The following CAPZB variants were observed in gnomAD, a reference collection of about 807,000 sequenced individuals.
CAPZB encodes F-actin-capping protein subunit beta.
CAPZB carries 2 observed loss-of-function variants against 38.1 expected under a neutral mutation model. The ratio of observed to expected loss-of-function variants is 0.05; its 90% CI spans 0.02 to 0.17. CAPZB has a LOEUF of 0.17. CAPZB is among the 10% of genes least tolerant of loss of function. The pLI is 1.00. For missense variants in CAPZB, 161 were observed against 334.2 expected (o/e 0.48, Z 4.04); for synonymous variants, 107 against 127.4 (o/e 0.84, Z 1.08).
At chr1:19,341,647 C>A (rs761645382) in intron 8 of CAPZB, among the ~76,000 whole-genome samples, 3 of 152,184 alleles carry the variant, frequency 2.0e-5, no homozygotes, top group African/African-American at 7.2e-5. Context: ...GGTTTCTACG[C>A]CAGGACGCCC....
chr1:19,471,567 CGAGAA>C (rs556981528), intron 1 of CAPZB, among the ~76,000 whole-genome samples: 1 of 151,418 alleles, frequency 6.6e-6, no homozygotes, highest in East Asian at 1.9e-4. Context: ...TCTGTTACGT[CGAGAA>C]ATGCTTCCTC....
At chr1:19,340,484 G>T (rs2268811) in intron 8 of CAPZB, among the ~76,000 whole-genome samples, 14 of 152,318 alleles carry the variant, frequency 9.2e-5, no homozygotes, top group African/African-American at 2.6e-4. Flanking sequence ...TTTACAAAAC[G>T]CCTTTCACAT....
chr1:19,410,292 C>A (rs2094351627), intron 2 of CAPZB, among the ~76,000 whole-genome samples: 1 of 152,236 alleles, frequency 6.6e-6, no homozygotes, highest in Non-Finnish European at 1.5e-5. Context: ...CCATTTGTAA[C>A]AGCAAAAGGA....
At chr1:19,342,912 G>A (rs997358126) in intron 8 of CAPZB, 11 of 1,154,372 alleles carry the variant, frequency 9.5e-6, no homozygotes, top group Admixed American at 1.7e-5. Context: ...AGAGAACGAC[G>A]AGAAGCCAGG....
At chr1:19,350,937 T>G (rs1262322510) in intron 6 of CAPZB, among the ~76,000 whole-genome samples, 1 of 148,786 alleles carries the variant, frequency 6.7e-6, no homozygotes, top group Non-Finnish European at 1.5e-5. Flanking sequence ...TTATTGAGCA[T>G]AAAACTGTGT....
intron 1 of CAPZB, among the ~76,000 whole-genome samples, chr1:19,458,981 G>C (rs576011514): frequency 6.6e-6 from 1 of 152,334 alleles, no homozygotes; most frequent in African/African-American, 2.4e-5. Context: ...CAGCTCACCA[G>C]GTCAGGAAAG....
At chr1:19,470,414 T>C (rs2094583103) in intron 1 of CAPZB, among the ~76,000 whole-genome samples, 1 of 152,204 alleles carries the variant, frequency 6.6e-6, no homozygotes, top group African/African-American at 2.4e-5. Flanking sequence ...ACTCAGGCCA[T>C]TGGCATTCTG....
chr1:19,432,060 A>G (rs867382080), intron 1 of CAPZB, among the ~76,000 whole-genome samples: 2 of 149,546 alleles, frequency 1.3e-5, no homozygotes, highest in East Asian at 1.9e-4. Context: ...AAAAAAAAAA[A>G]AAAAAGAAAA....
chr1:19,344,316 C>T, intron 8 of CAPZB, 42 bp downstream of exon 8: 2 of 1,528,600 alleles, frequency 1.3e-6, no homozygotes, highest in Non-Finnish European at 9.1e-7. Context: ...GGGTTCAAAT[C>T]CCTCTGTCTG....
intron 3 of CAPZB, among the ~76,000 whole-genome samples, chr1:19,384,141 C>A (rs926197302): frequency 2.6e-5 from 4 of 152,076 alleles, no homozygotes; most frequent in Non-Finnish European, 5.9e-5. Flanking sequence ...CTTCTTTTAT[C>A]CCCCCAATAA....
At chr1:19,480,512 C>T (rs958145648) in intron 1 of CAPZB, among the ~76,000 whole-genome samples, 1 of 152,182 alleles carries the variant, frequency 6.6e-6, no homozygotes, top group Non-Finnish European at 1.5e-5. Flanking sequence ...ATGTAGCTGG[C>T]GCTAAGTGCC....
At chr1:19,467,341 T>C (rs1390120946) in intron 1 of CAPZB, among the ~76,000 whole-genome samples, 2 of 151,928 alleles carry the variant, frequency 1.3e-5, no homozygotes, top group South Asian at 2.1e-4. Flanking sequence ...AAAGGAAAGA[T>C]AAAGCAAACA....
At chr1:19,485,031 G>C (rs12751474) in intron 1 of CAPZB, among the ~76,000 whole-genome samples, 2 of 152,066 alleles carry the variant, frequency 1.3e-5, no homozygotes, top group Non-Finnish European at 2.9e-5. Flanking sequence ...CGACGGCCTA[G>C]CCTGGGCCGG....
intron 2 of CAPZB, among the ~76,000 whole-genome samples, chr1:19,393,246 G>C (rs912294338): frequency 6.6e-6 from 1 of 152,196 alleles, no homozygotes; most frequent in African/African-American, 2.4e-5. Context: ...GCAGCTTCGC[G>C]CCGGGCCTGA....
At chr1:19,394,732 CAAAA>C (rs1242847570) in intron 2 of CAPZB, among the ~76,000 whole-genome samples, 1 of 151,988 alleles carries the variant, frequency 6.6e-6, no homozygotes. Flanking sequence ...CAAAACAAAA[CAAAA>C]CAAACAAACA....
chr1:19,339,659 C>G, intron 8 of CAPZB, 42 bp from the exon 9 acceptor site: 1 of 1,482,300 alleles, frequency 6.7e-7, no homozygotes. Flanking sequence ...TGAACAGGGA[C>G]TGGTGAGGCG....
chr1:19,442,839 T>C (rs1025154625), intron 1 of CAPZB, among the ~76,000 whole-genome samples: 1 of 152,136 alleles, frequency 6.6e-6, no homozygotes, highest in Non-Finnish European at 1.5e-5. Context: ...GAAAGTTCCG[T>C]TGCTCCTGCC....
At chr1:19,465,126 A>G (rs898711763) in intron 1 of CAPZB, among the ~76,000 whole-genome samples, 1 of 152,208 alleles carries the variant, frequency 6.6e-6, no homozygotes, top group Non-Finnish European at 1.5e-5. Context: ...TGGGCATGTG[A>G]GAAGAGAAGG....
chr1:19,385,394 T>C, intron 3 of CAPZB, 111 bp downstream of exon 3: 1 of 1,242,750 alleles, frequency 8.0e-7, no homozygotes, highest in South Asian at 1.3e-5. Flanking sequence ...GAAGGAAAGC[T>C]GAATGGGCTG....
Sources: allele counts gnomAD v4.1 joint callset (sites outside exome capture counted in the v4.1 genomes callset), GRCh38; gene constraint gnomAD v4.1.1; transcripts MANE v1.5; gene names NCBI Gene and HGNC (gene_info 2026-07-23, HGNC 2026-07-21).